The following CHCHD6 variants were observed in gnomAD, a reference collection of about 807,000 sequenced individuals.
CHCHD6 encodes coiled-coil-helix-coiled-coil-helix domain containing 6.
In CHCHD6, 28 loss-of-function variants were observed where a neutral mutation model predicts 32.3. The ratio of observed to expected loss-of-function variants is 0.87; its 90% CI spans 0.64 to 1.19. The LOEUF is 1.19. Ranked by LOEUF, CHCHD6 falls within the 50% of genes most tolerant of loss-of-function variation. The pLI is 0.00. For synonymous variants in CHCHD6, 122 were observed against 117.5 expected (o/e 1.04, Z -0.25); for missense variants, 333 against 307.0 (o/e 1.08, Z -0.63).
At chr3:126,775,228 G>A (rs1937614949) in intron 4 of CHCHD6, among the ~76,000 whole-genome samples, 1 of 152,180 alleles carries the variant, frequency 6.6e-6, no homozygotes, top group South Asian at 2.1e-4. Flanking sequence ...TACCAGCAGT[G>A]TCTGAGAGTG....
intron 6 of CHCHD6, among the ~76,000 whole-genome samples, chr3:126,936,957 C>G (rs1439170925): frequency 6.6e-6 from 1 of 152,236 alleles, no homozygotes. Flanking sequence ...CTCCTTCACC[C>G]TGGCCTGCTG....
At chr3:126,912,870 C>G (rs1043731675) in intron 5 of CHCHD6, among the ~76,000 whole-genome samples, 2 of 152,214 alleles carry the variant, frequency 1.3e-5, no homozygotes, top group Non-Finnish European at 2.9e-5. Flanking sequence ...TGCCCTATGG[C>G]CTTAGAGGTG....
intron 6 of CHCHD6, among the ~76,000 whole-genome samples, chr3:126,955,296 G>C (rs1325866998): frequency 6.6e-6 from 1 of 152,234 alleles, no homozygotes. Context: ...CCAGTGAAGC[G>C]GGTCTCCGGA....
intron 4 of CHCHD6, among the ~76,000 whole-genome samples, chr3:126,760,528 C>T (rs191301730): frequency 6.6e-6 from 1 of 152,194 alleles, no homozygotes; most frequent in African/African-American, 2.4e-5. Context: ...GTCAACTACT[C>T]CATTCTACTC....
At chr3:126,721,227 C>T (rs1576336618) in intron 1 of CHCHD6, among the ~76,000 whole-genome samples, 1 of 152,310 alleles carries the variant, frequency 6.6e-6, no homozygotes, top group East Asian at 1.9e-4. Flanking sequence ...TGGACCTCTC[C>T]CTTTGCCTGA....
intron 4 of CHCHD6, among the ~76,000 whole-genome samples, chr3:126,783,790 G>T (rs1302743757): frequency 6.6e-6 from 1 of 151,598 alleles, no homozygotes; most frequent in African/African-American, 2.4e-5. Flanking sequence ...GTAGAGGGCT[G>T]TGTGAGAGGT....
intron 4 of CHCHD6, among the ~76,000 whole-genome samples, chr3:126,753,493 C>T (rs1936817541): frequency 6.6e-6 from 1 of 152,196 alleles, no homozygotes; most frequent in South Asian, 2.1e-4. Context: ...GTAGACCGGC[C>T]TTGGGGTGGA....
intron 5 of CHCHD6, among the ~76,000 whole-genome samples, chr3:126,853,029 A>T (rs1171903394): frequency 6.6e-6 from 1 of 152,198 alleles, no homozygotes; most frequent in Non-Finnish European, 1.5e-5. Context: ...CACTTTCACC[A>T]CAGGGCGGTG....
intron 5 of CHCHD6, among the ~76,000 whole-genome samples, chr3:126,910,620 C>T (rs546204644): frequency 6.6e-6 from 1 of 152,324 alleles, no homozygotes; most frequent in South Asian, 2.1e-4. Flanking sequence ...CAGATACACA[C>T]AAAGTTCTAG....
At chr3:126,929,027 G>A (rs1158938634) in intron 6 of CHCHD6, among the ~76,000 whole-genome samples, 1 of 152,232 alleles carries the variant, frequency 6.6e-6, no homozygotes, top group Non-Finnish European at 1.5e-5. Flanking sequence ...GCTCAGGGCT[G>A]ACTCTTGGGA....
chr3:126,947,508 T>TA (rs1427245166), intron 6 of CHCHD6, among the ~76,000 whole-genome samples: 5 of 152,164 alleles, frequency 3.3e-5, no homozygotes, highest in African/African-American at 1.2e-4. Context: ...GAGCAAGAGC[T>TA]ATGGAGCTGA....
At chr3:126,724,022 TC>T (rs1477763207) in intron 1 of CHCHD6, among the ~76,000 whole-genome samples, 2 of 152,216 alleles carry the variant, frequency 1.3e-5, no homozygotes, top group Non-Finnish European at 2.9e-5. Context: ...CTATTTCACA[TC>T]CTCTAAATGA....
intron 6 of CHCHD6, among the ~76,000 whole-genome samples, chr3:126,937,476 G>C (rs1411039204): frequency 6.6e-6 from 1 of 152,226 alleles, no homozygotes; most frequent in Non-Finnish European, 1.5e-5. Flanking sequence ...GGAAGATAAT[G>C]CCAGACAGTG....
chr3:126,721,460 A>G (rs1271478837), intron 1 of CHCHD6, among the ~76,000 whole-genome samples: 1 of 151,968 alleles, frequency 6.6e-6, no homozygotes, highest in Admixed American at 6.5e-5. Context: ...TAGGGAACCC[A>G]TCCCTCTCTT....
At chr3:126,731,372 G>A in intron 3 of CHCHD6, among the ~76,000 whole-genome samples, 1 of 152,176 alleles carries the variant, frequency 6.6e-6, no homozygotes, top group East Asian at 1.9e-4. Flanking sequence ...AAGTGGTTAA[G>A]GCACAGAGGC....
At chr3:126,712,624 C>T (rs997683576) in intron 1 of CHCHD6, among the ~76,000 whole-genome samples, 16 of 152,166 alleles carry the variant, frequency 1.1e-4, no homozygotes, top group Non-Finnish European at 1.6e-4. Flanking sequence ...TCCTGCTCTC[C>T]GCAGTGGCAC....
intron 2 of CHCHD6, among the ~76,000 whole-genome samples, chr3:126,729,414 A>C (rs1438780948): frequency 6.6e-6 from 1 of 152,246 alleles, no homozygotes; most frequent in Admixed American, 6.5e-5. Flanking sequence ...CAGAAAGGGC[A>C]GTGAGGATGA....
chr3:126,797,844 C>T (rs954485036), intron 4 of CHCHD6, among the ~76,000 whole-genome samples: 4 of 152,120 alleles, frequency 2.6e-5, no homozygotes, highest in Non-Finnish European at 4.4e-5. Context: ...ACACCAAGCT[C>T]TCCCCCATGG....
At chr3:126,863,549 T>A (rs1399552363) in intron 5 of CHCHD6, among the ~76,000 whole-genome samples, 3 of 71,082 alleles carry the variant, frequency 4.2e-5, no homozygotes, top group East Asian at 6.1e-4. Flanking sequence ...TCCTCCACCA[T>A]CACCACCTCC....
Sources: allele counts gnomAD v4.1 joint callset (sites outside exome capture counted in the v4.1 genomes callset), GRCh38; gene constraint gnomAD v4.1.1; transcripts MANE v1.5; gene names NCBI Gene and HGNC (gene_info 2026-07-23, HGNC 2026-07-21).